NHSL2: variants seen among roughly 807,000 people sequenced by gnomAD.
NHSL2 encodes the protein NHS like 2.
In NHSL2, 27 loss-of-function variants were observed where a neutral mutation model predicts 53.4. That is an observed-to-expected ratio of 0.51 (90% CI 0.37 to 0.70). The LOEUF (loss-of-function observed/expected upper bound fraction) is 0.70. NHSL2 is among the 30% of genes least tolerant of loss of function. The pLI is 0.00. For synonymous variants in NHSL2, 408 were observed against 404.1 expected, an observed-to-expected ratio of 1.01 and a Z score of -0.12; for missense variants, 892 against 980.1, an observed-to-expected ratio of 0.91 and a Z score of 1.20.
intron 1 of NHSL2, among the ~76,000 whole-genome samples, chrX:72,124,532 T>TC (rs1242908879): frequency 8.9e-6 from 1 of 111,945 alleles, no homozygotes; most frequent in East Asian, 2.8e-4. Context: ...TTCCCAAAGC[T>TC]CTATGCTGCT....
At chrX:71,988,314 C>T (rs1027073526) in intron 1 of NHSL2, among the ~76,000 whole-genome samples, 3 of 111,567 alleles carry the variant, frequency 2.7e-5, no homozygotes, top group African/African-American at 6.5e-5. Context: ...GGAAAAAGCT[C>T]CCCATGTCCA....
chrX:72,060,703 C>T (rs2042394778), intron 1 of NHSL2, among the ~76,000 whole-genome samples: 1 of 112,523 alleles, frequency 8.9e-6, no homozygotes, highest in Admixed American at 9.3e-5. Flanking sequence ...CTGCCCACTG[C>T]CCAACCTCCA....
chrX:72,083,140 G>A lies in NHSL2; in HGVS notation c.281-48939G>A, dbSNP rs989594340. 9.9e-5 allele frequency among the ~76,000 whole-genome samples: 11 copies of A among 111,593 alleles called. No individual in the cohort carries two copies. The East Asian group carries it at 2.3e-3, about 23-fold the overall frequency. On this transcript the variant is annotated intron_variant, in intron 1 of 7. Transcript: ENST00000633930. ...GGGTCCCCCTCTCTCCAGCCCCACC[G>A]TTGCTGGTTCCCCCCTACAGTGTTG...
At chrX:72,066,151 A>G (rs1245729565) in intron 1 of NHSL2, among the ~76,000 whole-genome samples, 5 of 111,588 alleles carry the variant, frequency 4.5e-5, no homozygotes, top group Non-Finnish European at 7.5e-5. Flanking sequence ...CTGGGGAAGG[A>G]TGATGGTGAC....
At chrX:71,994,599 CT>C (rs1251308471) in intron 1 of NHSL2, among the ~76,000 whole-genome samples, 5 of 111,615 alleles carry the variant, frequency 4.5e-5, no homozygotes, top group African/African-American at 1.6e-4. Flanking sequence ...ACATGTACCC[CT>C]GAACCTAAAA....
chrX:72,047,093 A>T (rs1404372755), intron 1 of NHSL2, among the ~76,000 whole-genome samples: 2 of 111,248 alleles, frequency 1.8e-5, no homozygotes. Flanking sequence ...GGTGAAGTTA[A>T]AACATGGTTG....
intron 1 of NHSL2, among the ~76,000 whole-genome samples, chrX:71,935,594 C>T (rs1449050677): frequency 1.8e-5 from 2 of 112,679 alleles, no homozygotes; most frequent in African/African-American, 3.2e-5. Context: ...CTGAGGTACA[C>T]TCTGTAGCTT....
chrX:71,949,058 G>A (rs1485500321), intron 1 of NHSL2, among the ~76,000 whole-genome samples: 3 of 109,766 alleles, frequency 2.7e-5, no homozygotes, highest in East Asian at 2.9e-4. Context: ...GTGCCCGGCC[G>A]ATGTAGTTTT....
chrX:72,129,655 G>T (rs1008568955), intron 1 of NHSL2: 1 of 478,581 alleles, frequency 2.1e-6, no homozygotes, highest in Non-Finnish European at 3.4e-6. Flanking sequence ...TTGGGCACAC[G>T]TCGCTCTCTG....
intron 1 of NHSL2, among the ~76,000 whole-genome samples, chrX:72,050,525 C>T (rs1488504791): frequency 1.8e-5 from 2 of 111,717 alleles, no homozygotes; most frequent in Non-Finnish European, 3.8e-5. Context: ...CTATGATAAA[C>T]ATGCATATGA....
intron 1 of NHSL2, among the ~76,000 whole-genome samples, chrX:72,074,085 CT>C: frequency 8.9e-6 from 1 of 112,465 alleles, no homozygotes; most frequent in Non-Finnish European, 1.9e-5. Flanking sequence ...CTGAGAGAGG[CT>C]TCAGATCCAG....
chrX:72,114,803 T>C (rs2042122359), intron 1 of NHSL2, among the ~76,000 whole-genome samples: 2 of 112,275 alleles, frequency 1.8e-5, no homozygotes, highest in South Asian at 3.7e-4. Flanking sequence ...CAGTGTCCAC[T>C]ATAAGAGGAC....
At chrX:72,023,714 G>C (rs2042171326) in intron 1 of NHSL2, among the ~76,000 whole-genome samples, 1 of 111,772 alleles carries the variant, frequency 8.9e-6, no homozygotes, top group African/African-American at 3.3e-5. Context: ...TGGACTCAGG[G>C]ACTGCAAGCT....
chrX:72,109,781 A>G (rs781246111), intron 1 of NHSL2, among the ~76,000 whole-genome samples: 8 of 111,379 alleles, frequency 7.2e-5, no homozygotes, highest in African/African-American at 2.0e-4. Context: ...CAGGGTCTTC[A>G]TTGAGAAAGG....
At chrX:71,950,355 A>G (rs2041814800) in intron 1 of NHSL2, among the ~76,000 whole-genome samples, 1 of 112,728 alleles carries the variant, frequency 8.9e-6, no homozygotes, top group Admixed American at 9.3e-5. Flanking sequence ...AGCCTGGCCA[A>G]CAATACTCGG....
intron 1 of NHSL2, among the ~76,000 whole-genome samples, chrX:71,939,670 G>A (rs1270749015): frequency 8.9e-6 from 1 of 111,892 alleles, no homozygotes; most frequent in African/African-American, 3.3e-5. Flanking sequence ...TGTGACCTTG[G>A]ACAAGTTCCT....
intron 1 of NHSL2, among the ~76,000 whole-genome samples, chrX:72,000,388 G>C (rs1274072006): frequency 8.9e-6 from 1 of 112,212 alleles, no homozygotes; most frequent in Non-Finnish European, 1.9e-5. Context: ...TATACAGTGA[G>C]CCAGCATTAA....
chrX:72,034,435 AC>A (rs1373096864), intron 1 of NHSL2, among the ~76,000 whole-genome samples: 1 of 111,841 alleles, frequency 8.9e-6, no homozygotes, highest in Non-Finnish European at 1.9e-5. Context: ...AGGGTATAAT[AC>A]CTCATAAATT....
chrX:72,092,545 T>G (rs2041908094), intron 1 of NHSL2, among the ~76,000 whole-genome samples: 1 of 111,652 alleles, frequency 9.0e-6, no homozygotes, highest in Admixed American at 9.4e-5. Context: ...GGCTGTCTGG[T>G]GTGTCCATTT....
Sources: gnomAD v4.1 joint callset for allele counts (sites outside exome capture counted in the v4.1 genomes callset) on GRCh38, gnomAD v4.1.1 for gene constraint, MANE v1.5 for transcripts, NCBI Gene and HGNC (gene_info 2026-07-23, HGNC 2026-07-21) for gene names.